FAM184A: variants seen among roughly 807,000 people sequenced by gnomAD.
FAM184A encodes the protein protein FAM184A.
FAM184A carries 99 observed loss-of-function variants against 143.8 expected under a neutral mutation model. That is an observed-to-expected ratio of 0.69 (90% CI 0.58 to 0.81). The LOEUF (loss-of-function observed/expected upper bound fraction) is 0.81, where lower values mean the gene tolerates loss of function less well. Ranked by LOEUF, FAM184A falls within the 40% of genes least tolerant of loss-of-function variation. The pLI, the probability that FAM184A is intolerant of heterozygous loss-of-function variation, is 0.00. For missense variants in FAM184A, 1,217 were observed against 1,310.5 expected (o/e 0.93, Z 1.10); for synonymous variants, 427 against 446.4 (o/e 0.96, Z 0.55).
chr6:118,965,828 A>G (rs1249462000), intron 15 of FAM184A, among the ~76,000 whole-genome samples: 2 of 152,212 alleles, frequency 1.3e-5, no homozygotes, highest in Admixed American at 1.3e-4. Context: ...ACTGGGAATT[A>G]ATAGCTATTT....
intron 1 of FAM184A, among the ~76,000 whole-genome samples, chr6:119,075,580 G>A (rs903025317): frequency 6.6e-6 from 1 of 152,170 alleles, no homozygotes; most frequent in Non-Finnish European, 1.5e-5. Context: ...TAATGCTGAA[G>A]AGTTGAGTTC....
intron 14 of FAM184A, among the ~76,000 whole-genome samples, chr6:118,972,455 AG>A (rs1562456219): frequency 6.6e-6 from 1 of 152,152 alleles, no homozygotes; most frequent in Non-Finnish European, 1.5e-5. Flanking sequence ...ACCTAAAGCT[AG>A]GGGGTAATTA....
At chr6:119,141,141 G>A (rs1772219130) in intron 1 of FAM184A, among the ~76,000 whole-genome samples, 2 of 152,238 alleles carry the variant, frequency 1.3e-5, no homozygotes, top group African/African-American at 4.8e-5. Flanking sequence ...TTACTAGAGA[G>A]CCACAGCTCA....
chr6:119,015,924 T>C (rs992364393), intron 5 of FAM184A, among the ~76,000 whole-genome samples: 1 of 151,958 alleles, frequency 6.6e-6, no homozygotes, highest in African/African-American at 2.4e-5. Context: ...TGGTGGGGCC[T>C]TGGAGAACCT....
intron 1 of FAM184A, among the ~76,000 whole-genome samples, chr6:119,117,608 C>T (rs148166586): frequency 5.9e-5 from 9 of 152,312 alleles, no homozygotes; most frequent in East Asian, 1.9e-4. Context: ...CTGCTTCTTA[C>T]GTACCTTCAC....
At chr6:118,963,088 C>A (rs750748552) in intron 16 of FAM184A, 3 of 152,040 alleles carry the variant, frequency 2.0e-5, no homozygotes, top group Non-Finnish European at 4.4e-5. Flanking sequence ...ATACCTTCCT[C>A]AGAACTATTT....
At chr6:119,093,533 T>C (rs1788427579) in intron 1 of FAM184A, among the ~76,000 whole-genome samples, 1 of 152,244 alleles carries the variant, frequency 6.6e-6, no homozygotes. Context: ...TTTCAGCAAG[T>C]TATTTCTTCC....
At chr6:119,081,456 T>C (rs1045140583), upstream of FAM184A, among the ~76,000 whole-genome samples, 1 of 152,094 alleles carries the variant, frequency 6.6e-6, no homozygotes, top group Non-Finnish European at 1.5e-5. Context: ...GGGGTGAATG[T>C]TTATAGCCGA....
chr6:118,987,972 A>C (rs79766580), intron 9 of FAM184A, among the ~76,000 whole-genome samples: 4,058 of 152,316 alleles, frequency 0.027, 64 homozygotes, highest in Middle Eastern at 0.041. Flanking sequence ...TTGAATGCCA[A>C]ACAGTATTTT....
chr6:119,024,274 C>A lies in FAM184A; in HGVS notation c.699G>T (p.Met233Ile). The change falls in exon 2 of 18, where the codon ATG becomes ATT. Residue 233 changes from methionine to isoleucine, a missense_variant. Met to Ile is a conservative substitution (Grantham distance 10, BLOSUM62 1). Transcript: ENST00000338891. The stretch of plus-strand genomic sequence containing the variant: ...TCCGTTCAAGTCTTAGCTCCTCAAG[C>A]ATTTTGTTTAGGGACTCCACCTCCA... ...HRMEVESLNK[M>I]LEELRLERKK... 6.2e-7 allele frequency: 1 copy of A among 1,614,180 alleles called. No homozygotes were observed.
At position 119,024,912 on chromosome 6, in the gene FAM184A, C is replaced by T. The variant is rs552328815; in HGVS notation, c.160-99G>A. The T allele has an allele frequency of 6.2e-6, 7 of 1,132,260 alleles. No homozygotes were observed. The African/African-American group carries it at 7.7e-5, about 12-fold the overall frequency. 70.1% of individuals were successfully genotyped at this position (1,132,260 alleles called of 1,614,324 possible). On this transcript the variant is annotated intron_variant, in intron 1 of 17. Transcript: ENST00000338891. ...ATTTGGATTGATATTTTTCTATGCA[C>T]ATAATATTGGCTACAGCTAATGTTA... is the stretch of plus-strand genomic sequence containing the variant.
intron 1 of FAM184A, among the ~76,000 whole-genome samples, chr6:119,041,772 G>C (rs1786343154): frequency 6.6e-6 from 1 of 152,182 alleles, no homozygotes; most frequent in African/African-American, 2.4e-5. Flanking sequence ...TGCCACTCTG[G>C]ATCGGGCTAA....
chr6:119,037,033 A>G (rs111836103), intron 1 of FAM184A, among the ~76,000 whole-genome samples: 1,950 of 152,302 alleles, frequency 0.013, 40 homozygotes, highest in African/African-American at 0.045. Context: ...AATCCTGGAC[A>G]CTGAGAGAAT....
intron 1 of FAM184A, among the ~76,000 whole-genome samples, chr6:119,095,250 C>T (rs1788475776): frequency 6.6e-6 from 1 of 152,198 alleles, no homozygotes; most frequent in African/African-American, 2.4e-5. Flanking sequence ...ACCAGGATAA[C>T]CTTTGTCTCC....
intron 15 of FAM184A, 127 bp downstream of exon 15, chr6:118,966,708 C>G: frequency 2.3e-6 from 1 of 438,320 alleles, no homozygotes; most frequent in East Asian, 3.5e-5. Context: ...AATGAACTTT[C>G]AATCACAATG....
intron 1 of FAM184A, among the ~76,000 whole-genome samples, chr6:119,039,547 C>A (rs1786239674): frequency 6.6e-6 from 1 of 152,132 alleles, no homozygotes. Flanking sequence ...TGTATGATCC[C>A]AATTACATGA....
chr6:119,126,545 C>T (rs898083802), intron 1 of FAM184A, among the ~76,000 whole-genome samples: 1 of 152,174 alleles, frequency 6.6e-6, no homozygotes, highest in African/African-American at 2.4e-5. Context: ...TTCCGGGCAC[C>T]GGCAAGAGCA....
intron 1 of FAM184A, among the ~76,000 whole-genome samples, chr6:119,050,323 C>T (rs1376011577): frequency 6.6e-6 from 1 of 152,172 alleles, no homozygotes; most frequent in East Asian, 1.9e-4. Flanking sequence ...AATCCCATTA[C>T]TGGGTATATA....
intron 1 of FAM184A, among the ~76,000 whole-genome samples, chr6:119,108,868 C>A (rs1309170708): frequency 6.6e-6 from 1 of 152,198 alleles, no homozygotes; most frequent in Non-Finnish European, 1.5e-5. Flanking sequence ...GAAGTGACTT[C>A]TACTCAACTT....
Sources: allele counts gnomAD v4.1 joint callset (sites outside exome capture counted in the v4.1 genomes callset), GRCh38; gene constraint gnomAD v4.1.1; transcripts MANE v1.5; gene names NCBI Gene and HGNC (gene_info 2026-07-23, HGNC 2026-07-21).